The following MACROD2 variants were observed in gnomAD, a reference collection of about 807,000 sequenced individuals.
MACROD2 encodes ADP-ribose glycohydrolase MACROD2.
In MACROD2, 36 loss-of-function variants were observed where a neutral mutation model predicts 70.4. The ratio of observed to expected loss-of-function variants is 0.51; its 90% CI spans 0.39 to 0.68. The LOEUF is 0.68. Ranked by LOEUF, MACROD2 falls within the 30% of genes least tolerant of loss-of-function variation. The probability of loss-of-function intolerance (pLI) is 0.00; values close to 1 mark genes in which losing one functional copy is unlikely to be tolerated. For synonymous variants in MACROD2, 172 were observed against 178.8 expected, an observed-to-expected ratio of 0.96 and a Z score of 0.30; for missense variants, 496 against 538.4, an observed-to-expected ratio of 0.92 and a Z score of 0.78.
intron 3 of MACROD2, among the ~76,000 whole-genome samples, chr20:14,379,777 A>G (rs960067202): frequency 1.3e-5 from 2 of 152,074 alleles, no homozygotes; most frequent in Non-Finnish European, 2.9e-5. Context: ...ATGTTGTACC[A>G]TGTATCAAAA....
chr20:14,766,903 T>A (rs2072097646), intron 5 of MACROD2, among the ~76,000 whole-genome samples: 1 of 152,182 alleles, frequency 6.6e-6, no homozygotes, highest in South Asian at 2.1e-4. Context: ...TCTGATTATA[T>A]CAGTTTAACT....
intron 5 of MACROD2, chr20:14,758,010 A>G (rs2071964819): frequency 1.3e-6 from 1 of 750,990 alleles, no homozygotes; most frequent in Admixed American, 1.8e-5. Flanking sequence ...ACTGAATTCC[A>G]GTTTAGAGGC....
intron 5 of MACROD2, among the ~76,000 whole-genome samples, chr20:14,967,524 A>G (rs1298569662): frequency 6.6e-6 from 1 of 152,114 alleles, no homozygotes; most frequent in African/African-American, 2.4e-5. Flanking sequence ...TGAGTCCATC[A>G]TCAGATATAG....
chr20:14,272,233 G>A lies in MACROD2; in HGVS notation c.271+186505G>A, dbSNP rs151268648. Reference sequence around the variant, plus strand: ...TGAAATGAAGGAAAAAATGTTAAAGGCAGCCAGAGAGAAAGGTCGGGTTAC... The same window carrying A: ...TGAAATGAAGGAAAAAATGTTAAAGACAGCCAGAGAGAAAGGTCGGGTTAC... On this transcript the variant is annotated intron_variant, in intron 3 of 17. Transcript: ENST00000684519. Among the ~76,000 whole-genome samples, 372 of 152,138 alleles carry A rather than the reference G, an allele frequency of 2.4e-3. 11 individuals are homozygous for A. The East Asian group carries it at 0.064, about 26-fold the overall frequency.
At chr20:15,877,906 G>A (rs545761900) in intron 9 of MACROD2, among the ~76,000 whole-genome samples, 11 of 152,198 alleles carry the variant, frequency 7.2e-5, no homozygotes, top group African/African-American at 2.4e-4. Flanking sequence ...ATGTACGGAT[G>A]TTCCTGAAAA....
At chr20:15,223,055 G>T (rs958902865) in intron 5 of MACROD2, among the ~76,000 whole-genome samples, 13 of 152,108 alleles carry the variant, frequency 8.5e-5, no homozygotes, top group African/African-American at 2.9e-4. Context: ...AGGAGTGGGG[G>T]AGTGCAAAGT....
intron 5 of MACROD2, among the ~76,000 whole-genome samples, chr20:14,965,467 T>C (rs993421458): frequency 5.2e-5 from 7 of 133,668 alleles, no homozygotes; most frequent in South Asian, 5.3e-4. Flanking sequence ...TTTTTTTTTT[T>C]TTTTTTTTTT....
chr20:14,555,784 C>T (rs531037163), intron 4 of MACROD2, among the ~76,000 whole-genome samples: 1 of 151,972 alleles, frequency 6.6e-6, no homozygotes, highest in African/African-American at 2.4e-5. Flanking sequence ...TGTAAAGGCG[C>T]AAATGAAAAC....
At chr20:15,246,599 T>A (rs941197523) in intron 6 of MACROD2, among the ~76,000 whole-genome samples, 1 of 152,178 alleles carries the variant, frequency 6.6e-6, no homozygotes, top group Non-Finnish European at 1.5e-5. Flanking sequence ...ATTAAAAATT[T>A]GAAACTCTTA....
chr20:14,405,354 G>C lies in MACROD2; in HGVS notation c.272-88125G>C, dbSNP rs567278045. 3.0e-3 allele frequency among the ~76,000 whole-genome samples: 463 copies of C among 152,232 alleles called. 2 individuals are homozygous for C. The highest frequency in any genetic ancestry group is 0.011 in the African/African-American group (453 of 41,558). Reference sequence around the variant, plus strand: ...ATGTTTATGTCTGACTATTATGGAAGGGTTTGTTAATGGAAATTAGGAATA... The same window carrying C: ...ATGTTTATGTCTGACTATTATGGAACGGTTTGTTAATGGAAATTAGGAATA... On this transcript the variant is annotated intron_variant, in intron 3 of 17. Transcript: ENST00000684519.
chr20:14,245,463 G>C (rs544443619), intron 3 of MACROD2, among the ~76,000 whole-genome samples: 1 of 152,162 alleles, frequency 6.6e-6, no homozygotes, highest in African/African-American at 2.4e-5. Flanking sequence ...CCATTCTTCA[G>C]TGGAGAAACT....
intron 6 of MACROD2, among the ~76,000 whole-genome samples, chr20:15,331,150 T>A (rs1320280959): frequency 6.6e-6 from 1 of 151,754 alleles, no homozygotes; most frequent in East Asian, 1.9e-4. Context: ...GGGGATGCAT[T>A]TGATTTACTC....
chr20:15,174,849 G>T (rs1568617172), intron 5 of MACROD2, among the ~76,000 whole-genome samples: 2 of 152,092 alleles, frequency 1.3e-5, no homozygotes, highest in Non-Finnish European at 2.9e-5. Flanking sequence ...TTTTGATGGG[G>T]TTGTTTGTTT....
At chr20:15,032,260 A>G (rs1439604002) in intron 5 of MACROD2, among the ~76,000 whole-genome samples, 1 of 152,158 alleles carries the variant, frequency 6.6e-6, no homozygotes, top group Non-Finnish European at 1.5e-5. Context: ...CTGCAGCTCC[A>G]CCTGGGAACT....
intron 3 of MACROD2, among the ~76,000 whole-genome samples, chr20:14,455,027 T>G (rs1224541177): frequency 6.6e-6 from 1 of 151,842 alleles, no homozygotes; most frequent in Non-Finnish European, 1.5e-5. Flanking sequence ...GTCTCTACAC[T>G]CTTTCTGTTG....
chr20:15,429,290 T>C (rs1318772484), intron 6 of MACROD2, among the ~76,000 whole-genome samples: 1 of 152,182 alleles, frequency 6.6e-6, no homozygotes, highest in African/African-American at 2.4e-5. Flanking sequence ...CTTCAGATGT[T>C]ATTGGCACCT....
intron 3 of MACROD2, among the ~76,000 whole-genome samples, chr20:14,146,251 G>C (rs2054941333): frequency 6.6e-6 from 1 of 152,074 alleles, no homozygotes; most frequent in Non-Finnish European, 1.5e-5. Flanking sequence ...CCTGGGAGGC[G>C]GAGCTTGCAG....
intron 6 of MACROD2, among the ~76,000 whole-genome samples, chr20:15,396,329 G>A (rs1278544133): frequency 6.6e-6 from 1 of 152,134 alleles, no homozygotes; most frequent in African/African-American, 2.4e-5. Context: ...GCCATTATTA[G>A]TATCCCCATT....
intron 6 of MACROD2, among the ~76,000 whole-genome samples, chr20:15,313,473 C>T (rs2077775649): frequency 6.9e-6 from 1 of 144,518 alleles, no homozygotes; most frequent in South Asian, 2.2e-4. Flanking sequence ...CACCACTGCA[C>T]TCCAGCCTGG....
Sources: gnomAD v4.1 joint callset for allele counts (sites outside exome capture counted in the v4.1 genomes callset) on GRCh38, gnomAD v4.1.1 for gene constraint, MANE v1.5 for transcripts, NCBI Gene and HGNC (gene_info 2026-07-23, HGNC 2026-07-21) for gene names.